The following ADGRV1 variants were observed in gnomAD, a reference collection of about 807,000 sequenced individuals.
ADGRV1 encodes adhesion G protein-coupled receptor V1, also known as G-protein coupled receptor 98.
In ADGRV1, 359 loss-of-function variants were observed where a neutral mutation model predicts 596.2. The observed-to-expected ratio is 0.60, with a 90% CI of 0.55 to 0.66. ADGRV1 has a LOEUF of 0.66. Among genes scored for constraint, ADGRV1 ranks in the 30% least tolerant of loss-of-function variants. The pLI is 0.00. For synonymous variants in ADGRV1, 2,681 were observed against 2,679.2 expected, an observed-to-expected ratio of 1.00 and a Z score of -0.02; for missense variants, 7,274 against 7,575.6, an observed-to-expected ratio of 0.96 and a Z score of 1.48.
At chr5:90,928,858 C>T (rs2150785342) in intron 83 of ADGRV1, among the ~76,000 whole-genome samples, 1 of 148,948 alleles carries the variant, frequency 6.7e-6, no homozygotes, top group African/African-American at 2.5e-5. Context: ...ACAGACAGGA[C>T]CCTCAGCTGC....
chr5:91,075,370 T>G (rs1315169692), intron 86 of ADGRV1, among the ~76,000 whole-genome samples: 3 of 152,172 alleles, frequency 2.0e-5, no homozygotes, highest in Non-Finnish European at 4.4e-5. Context: ...CATAGGGGCC[T>G]AACATAGTGA....
At chr5:91,055,904 T>G (rs1360662373) in intron 85 of ADGRV1, among the ~76,000 whole-genome samples, 1 of 152,220 alleles carries the variant, frequency 6.6e-6, no homozygotes, top group Admixed American at 6.5e-5. Flanking sequence ...AATGAACACA[T>G]TTTTGCCAAC....
intron 86 of ADGRV1, 40 bp from the exon 87 acceptor site, chr5:91,102,179 G>A: frequency 6.4e-7 from 1 of 1,571,226 alleles, no homozygotes; most frequent in Admixed American, 1.8e-5. Context: ...TGACTGTGCA[G>A]TATTCTGAAG....
At chr5:90,928,336 T>C (rs1774751370) in intron 83 of ADGRV1, among the ~76,000 whole-genome samples, 2 of 152,012 alleles carry the variant, frequency 1.3e-5, no homozygotes, top group Admixed American at 6.5e-5. Flanking sequence ...CGTTTCTTTT[T>C]ATTCTTTTTT....
rs780666592 is a variant in ADGRV1 at position 90,658,080 on chromosome 5, G to A, written c.4554G>A (p.Gln1518=). Residue 1518 remains glutamine, a synonymous_variant, in exon 21 of 90, where the codon CAG becomes CAA. Coordinates refer to ENST00000405460, the MANE Select transcript of ADGRV1 (RefSeq NM_032119.4). ...HPISGYLEFR[Q]GETNKSFIIS... Reference sequence around the variant, plus strand: ...TTTCTGGATATCTGGAGTTCAGACAGGGAGAAACTAACAAATCATTCATTA... The same window carrying A: ...TTTCTGGATATCTGGAGTTCAGACAAGGAGAAACTAACAAATCATTCATTA... 6.2e-7 allele frequency: 1 copy of A among 1,613,864 alleles called. No homozygotes were observed. The highest frequency in any genetic ancestry group is 8.5e-7 in the Non-Finnish European group (1 of 1,179,806).
intron 50 of ADGRV1, among the ~76,000 whole-genome samples, chr5:90,740,733 A>G (rs1753854471): frequency 6.6e-6 from 1 of 152,170 alleles, no homozygotes; most frequent in African/African-American, 2.4e-5. Context: ...GGGCAAGACA[A>G]GGGAGTGTTA....
chr5:91,032,889 T>C (rs1784590760), intron 85 of ADGRV1, among the ~76,000 whole-genome samples: 1 of 152,232 alleles, frequency 6.6e-6, no homozygotes, highest in South Asian at 2.1e-4. Context: ...TTAGTATTAG[T>C]ACCCCAGCTT....
chr5:90,921,320 T>A (rs961730374), intron 83 of ADGRV1, among the ~76,000 whole-genome samples: 2 of 152,176 alleles, frequency 1.3e-5, no homozygotes, highest in African/African-American at 4.8e-5. Flanking sequence ...ATGACAGTCT[T>A]CCTTATTTAT....
At chr5:91,151,715 A>G (rs920167780) in intron 88 of ADGRV1, among the ~76,000 whole-genome samples, 2 of 152,224 alleles carry the variant, frequency 1.3e-5, no homozygotes, top group African/African-American at 4.8e-5. Flanking sequence ...AAAGTTAGGC[A>G]ACATTAAAGA....
chr5:90,627,704 C>T lies in ADGRV1; in HGVS notation c.1166C>T (p.Pro389Leu), dbSNP rs1460319427. 2.1e-5 allele frequency: 33 copies of T among 1,607,504 alleles called. No homozygotes were observed. The highest frequency in any genetic ancestry group is 2.7e-5 in the Non-Finnish European group (32 of 1,177,056). Reference sequence around the variant, plus strand: ...GTCACCATTAAGCCAAATGATAAACCTTATGGAGTCCTTTCATTCAACAGT... The same window carrying T: ...GTCACCATTAAGCCAAATGATAAACTTTATGGAGTCCTTTCATTCAACAGT... ...VQVTIKPNDKPYGVLSFNSVL... is the reference protein window; with the variant it reads ...VQVTIKPNDKLYGVLSFNSVL... Residue 389 changes from proline to leucine, a missense_variant, in exon 7 of 90, where the codon CCT becomes CTT. Coordinates refer to ENST00000405460, the MANE Select transcript of ADGRV1 (RefSeq NM_032119.4).
chr5:90,993,185 G>A (rs1428551189), intron 85 of ADGRV1, among the ~76,000 whole-genome samples: 7 of 140,730 alleles, frequency 5.0e-5, no homozygotes, highest in Admixed American at 1.5e-4. Context: ...TTTTGACGGA[G>A]GCTTGCTCTG....
intron 83 of ADGRV1, among the ~76,000 whole-genome samples, chr5:90,912,807 T>C (rs1044929084): frequency 4.6e-5 from 7 of 152,154 alleles, no homozygotes; most frequent in Non-Finnish European, 8.8e-5. Flanking sequence ...ATTTTCTCTA[T>C]CCAGTGGACT....
chr5:90,687,308 A>T (rs1243401895), intron 29 of ADGRV1, among the ~76,000 whole-genome samples: 2 of 152,244 alleles, frequency 1.3e-5, no homozygotes, highest in Admixed American at 6.5e-5. Flanking sequence ...CTGAATGGTA[A>T]TGCCTAGGCT....
chr5:90,562,658 T>G (rs922110316), intron 1 of ADGRV1, among the ~76,000 whole-genome samples: 3 of 152,158 alleles, frequency 2.0e-5, no homozygotes, highest in African/African-American at 7.2e-5. Flanking sequence ...GATAGGGCAT[T>G]TCTCATTCAT....
intron 86 of ADGRV1, among the ~76,000 whole-genome samples, chr5:91,087,971 G>A (rs1192817553): frequency 1.4e-4 from 21 of 152,020 alleles, no homozygotes; most frequent in East Asian, 1.9e-4. Flanking sequence ...ATTGGCTGAG[G>A]GCTTATATTC....
At chr5:90,683,521 A>T in intron 27 of ADGRV1, 65 bp from the exon 28 acceptor site, 1 of 1,260,416 alleles carries the variant, frequency 7.9e-7, no homozygotes, top group Non-Finnish European at 1.1e-6. Flanking sequence ...TAATGTATTT[A>T]TAAGCCTCTA....
chr5:90,689,713 TCTTG>T, intron 29 of ADGRV1, 144 bp from the exon 30 acceptor site: 1 of 609,388 alleles, frequency 1.6e-6, no homozygotes, highest in South Asian at 2.2e-5. Context: ...ATAAAAGTCT[TCTTG>T]CTTAGAATAA....
intron 84 of ADGRV1, among the ~76,000 whole-genome samples, chr5:90,971,876 T>C (rs1317265016): frequency 6.6e-6 from 1 of 152,212 alleles, no homozygotes; most frequent in Non-Finnish European, 1.5e-5. Context: ...GTAAATGGGC[T>C]AAATGCTCCA....
chr5:91,096,752 T>C (rs183938299), intron 86 of ADGRV1, among the ~76,000 whole-genome samples: 2 of 152,338 alleles, frequency 1.3e-5, no homozygotes, highest in Non-Finnish European at 1.5e-5. Flanking sequence ...CCATTTTAAG[T>C]GTACACTTCA....
Sources: gnomAD v4.1 joint callset for allele counts (sites outside exome capture counted in the v4.1 genomes callset) on GRCh38, gnomAD v4.1.1 for gene constraint, MANE v1.5 for transcripts, NCBI Gene and HGNC (gene_info 2026-07-23, HGNC 2026-07-21) for gene names.